The following DNAH12 variants were observed in gnomAD, a reference collection of about 807,000 sequenced individuals.
The protein encoded by DNAH12 is dynein axonemal heavy chain 12.
Under a neutral mutation model 371.5 loss-of-function variants are expected in DNAH12, and 285 were observed. The observed-to-expected ratio is 0.77, with a 90% CI of 0.70 to 0.85. The LOEUF (loss-of-function observed/expected upper bound fraction) is 0.85, where lower values mean the gene tolerates loss of function less well. Among genes scored for constraint, DNAH12 ranks in the 40% least tolerant of loss-of-function variants. The pLI, the probability that DNAH12 is intolerant of heterozygous loss-of-function variation, is 0.00. For missense variants in DNAH12, 3,611 were observed against 3,689.4 expected (o/e 0.98, Z 0.55); for synonymous variants, 1,200 against 1,213.0 (o/e 0.99, Z 0.22).
At chr3:57,408,607 C>T in intron 39 of DNAH12, 72 bp from the exon 40 acceptor site, 2 of 1,373,348 alleles carry the variant, frequency 1.5e-6, no homozygotes, top group Non-Finnish European at 1.9e-6. Context: ...ATATAGATCT[C>T]CCAAGAAATT....
rs2062107187 is a variant in DNAH12 at position 57,331,921 on chromosome 3, C to T, written c.9978+2544G>A. On this transcript the variant is annotated intron_variant, in intron 62 of 73. Transcript: ENST00000495027. ...TACCCTGCCATCTCCCAGGTGGTAT[C>T]TCATCACCCTGGCCTGCTTTCAGCA... 2.6e-5 allele frequency among the ~76,000 whole-genome samples: 4 copies of T among 152,268 alleles called. 1 individual carries two copies. The South Asian group carries it at 8.3e-4, about 32-fold the overall frequency.
chr3:57,412,495 T>G (rs1241161007), intron 39 of DNAH12, among the ~76,000 whole-genome samples: 2 of 152,176 alleles, frequency 1.3e-5, no homozygotes, highest in East Asian at 1.9e-4. Context: ...GTCAAGAGAA[T>G]GAGAAGACAG....
intron 37 of DNAH12, among the ~76,000 whole-genome samples, chr3:57,418,365 CAAAAAAAAAAA>C (rs57508616): frequency 4.7e-5 from 2 of 42,856 alleles, no homozygotes; most frequent in East Asian, 1.0e-3. Flanking sequence ...CCTGTCTCTA[CAAAAAAAAAAA>C]AAAAAAAAAA....
chr3:57,306,310 C>A (rs180692811), intron 69 of DNAH12, among the ~76,000 whole-genome samples: 2 of 152,112 alleles, frequency 1.3e-5, no homozygotes, highest in South Asian at 4.2e-4. Flanking sequence ...TTTCCCTTGC[C>A]GCCATAACTG....
chr3:57,335,960 G>T (rs890119461), intron 60 of DNAH12, among the ~76,000 whole-genome samples: 1 of 152,210 alleles, frequency 6.6e-6, no homozygotes, highest in East Asian at 1.9e-4. Context: ...TAAAACTACT[G>T]TAAGAAAGCT....
intron 18 of DNAH12, among the ~76,000 whole-genome samples, 197 bp downstream of exon 18, chr3:57,462,493 C>T (rs1357510049): frequency 6.6e-6 from 1 of 152,024 alleles, no homozygotes; most frequent in African/African-American, 2.4e-5. Flanking sequence ...CTCAGGTGAT[C>T]CACATGTCTC....
rs2063464131 is a variant in DNAH12, at chr3:57,384,593, A to T, written c.7860+236T>A. On this transcript the variant is annotated intron_variant, in intron 49 of 73. Coordinates refer to ENST00000495027, the MANE Select transcript of DNAH12 (RefSeq NM_001366028.2). The stretch of plus-strand genomic sequence containing the variant: ...CAGGAGATGGAGGCTGCAGTGGGCC[A>T]TGATTGCACTACTGCACTCCAGCTT... 2.0e-5 allele frequency among the ~76,000 whole-genome samples: 3 copies of T among 152,280 alleles called. No homozygotes were observed. In the South Asian group the frequency reaches 6.2e-4, roughly 32 times the overall value.
intron 55 of DNAH12, among the ~76,000 whole-genome samples, chr3:57,374,740 C>T (rs1166222548): frequency 4.0e-5 from 6 of 149,494 alleles, no homozygotes; most frequent in East Asian, 2.0e-4. Flanking sequence ...CCAATGCATG[C>T]AATAACATGG....
chr3:57,472,055 C>T (rs2066383799), intron 14 of DNAH12, among the ~76,000 whole-genome samples: 1 of 152,096 alleles, frequency 6.6e-6, no homozygotes, highest in African/African-American at 2.4e-5. Flanking sequence ...GAAGGCCATG[C>T]TTTTTATTAC....
intron 42 of DNAH12, among the ~76,000 whole-genome samples, chr3:57,404,613 G>A (rs928645367): frequency 6.6e-6 from 1 of 152,072 alleles, no homozygotes; most frequent in East Asian, 1.9e-4. Context: ...CCAGCTACCT[G>A]GGAGGCTGAG....
chr3:57,459,867 T>A lies in DNAH12; in HGVS notation c.2737-81A>T, dbSNP rs981966479. The A allele has an allele frequency of 1.4e-5, 16 of 1,128,540 alleles. No homozygotes were observed. The African/African-American group carries it at 2.4e-4, about 17-fold the overall frequency. 69.9% of individuals were successfully genotyped at this position (1,128,540 alleles called of 1,614,324 possible). On this transcript the variant is annotated intron_variant, in intron 19 of 73. Transcript: ENST00000495027. ...ATAGCAAGGAAAATACATTTTAAAT[T>A]TACTATTATTTTTAAATAAGTGCAA...
At chr3:57,306,646 T>C (rs1419551619) in intron 69 of DNAH12, among the ~76,000 whole-genome samples, 1 of 152,014 alleles carries the variant, frequency 6.6e-6, no homozygotes, top group African/African-American at 2.4e-5. Flanking sequence ...TAAAACCTAA[T>C]CACCCTTACC....
rs913117420 is a variant in DNAH12, at chr3:57,309,733, T to C, written c.11018A>G (p.Lys3673Arg). The change falls in exon 68 of 74, where the codon AAA becomes AGA. Residue 3673 changes from lysine to arginine, a missense_variant. Coordinates refer to ENST00000495027, the MANE Select transcript of DNAH12 (RefSeq NM_001366028.2). ...ESLLLTQGGS[K>R]QTGASGSTDQ... The stretch of plus-strand genomic sequence containing the variant: ...AGTACTTCCTGAGGCTCCTGTCTGT[T>C]TGGAGCCTCCCTGGGTGAGGAGCAA... 1 of 1,551,158 alleles carries C rather than the reference T, an allele frequency of 6.4e-7. No individual in the cohort carries two copies. The highest frequency in any genetic ancestry group is 8.7e-7 in the Non-Finnish European group (1 of 1,146,764).
At chr3:57,418,422 C>A (rs2064454633) in intron 37 of DNAH12, among the ~76,000 whole-genome samples, 1 of 145,024 alleles carries the variant, frequency 6.9e-6, no homozygotes, top group Non-Finnish European at 1.5e-5. Flanking sequence ...TGCTTGTAGT[C>A]CCAGCTACTT....
Position 57,541,865 on chromosome 3 carries a change from G to A in DNAH12, c.170+836C>T, listed in dbSNP as rs1037855498. 3.9e-5 allele frequency among the ~76,000 whole-genome samples: 6 copies of A among 152,040 alleles called. 1 individual carries two copies. The highest frequency in any genetic ancestry group is 7.4e-5 in the Non-Finnish European group (5 of 67,988). On this transcript the variant is annotated intron_variant, in intron 2 of 73. Coordinates refer to ENST00000495027, the MANE Select transcript of DNAH12 (RefSeq NM_001366028.2). ...AGCAAAAATTAAAATTATTAAATTG[G>A]CAATGATACTTAGCTGCAAAAAAAG...
chr3:57,526,339 T>C (rs1446576953), intron 2 of DNAH12, among the ~76,000 whole-genome samples: 1 of 152,214 alleles, frequency 6.6e-6, no homozygotes, highest in African/African-American at 2.4e-5. Flanking sequence ...TCTTTTTTTA[T>C]GGCTGAATGG....
chr3:57,435,306 A>T (rs984047943), intron 30 of DNAH12, among the ~76,000 whole-genome samples: 1 of 136,898 alleles, frequency 7.3e-6, no homozygotes. Context: ...CAGGAGGTGG[A>T]GGTTGCAGTG....
Position 57,322,465 on chromosome 3 carries a change from G to A in DNAH12, c.10402C>T (p.Gln3468Ter), listed in dbSNP as rs1450868039. ...PSSKFPVTIL[Q>*]NGVKMTNEPP... ...TCATTAGTCATTTTTACTCCATTCT[G>A]TAGAATTGTTACTGGGAACTAAGAC... The change falls in exon 65 of 74, where the codon CAG becomes TAG. Residue 3468 changes from glutamine to a stop codon, truncating the protein, a stop_gained. Transcript: ENST00000495027. LOFTEE classifies it high-confidence loss of function. 3 of 1,551,810 alleles carry A rather than the reference G, an allele frequency of 1.9e-6. No individual in the cohort carries two copies. Among genetic ancestry groups the A allele is most frequent in the Non-Finnish European group, 8.7e-7 (1 of 1,146,974 alleles).
At chr3:57,323,791 T>C (rs191761792) in intron 62 of DNAH12, among the ~76,000 whole-genome samples, 172 bp from the exon 63 acceptor site, 106 of 152,312 alleles carry the variant, frequency 7.0e-4, no homozygotes, top group Admixed American at 2.7e-3. Context: ...TATACATTTA[T>C]AGGAGAAGAC....
Sources: allele counts gnomAD v4.1 joint callset (sites outside exome capture counted in the v4.1 genomes callset), GRCh38; gene constraint gnomAD v4.1.1; transcripts MANE v1.5; gene names NCBI Gene and HGNC (gene_info 2026-07-23, HGNC 2026-07-21).